TRMT44: variants seen among roughly 807,000 people sequenced by gnomAD.
The protein encoded by TRMT44 is probable tRNA (uracil-O(2)-)-methyltransferase.
In TRMT44, 78 loss-of-function variants were observed where a neutral mutation model predicts 77.3. The ratio of observed to expected loss-of-function variants is 1.01; its 90% CI spans 0.84 to 1.22. The LOEUF is 1.22. Among genes scored for constraint, TRMT44 ranks in the 50% most tolerant of loss-of-function variants. The pLI, the probability that TRMT44 is intolerant of heterozygous loss-of-function variation, is 0.00. For synonymous variants in TRMT44, 391 were observed against 383.3 expected, an observed-to-expected ratio of 1.02 and a Z score of -0.23; for missense variants, 1,090 against 964.4, an observed-to-expected ratio of 1.13 and a Z score of -1.73.
rs889749387 is a variant in TRMT44 at position 8,446,870 on chromosome 4, T to G, written c.734+280T>G. On this transcript the variant is annotated intron_variant, in intron 2 of 10. Transcript: ENST00000389737. This position sits in a 1 kb window ranked among gnomAD's most constrained non-coding sequence, Gnocchi z 4.3. ...CTTAGCATTAGCTCTGAAGTCAAAC[T>G]CAAATTTCTTTATTGTTATTGTTAT... Among the ~76,000 whole-genome samples, 7 of 152,168 alleles carry G rather than the reference T, an allele frequency of 4.6e-5. No individual in the cohort carries two copies. Among genetic ancestry groups the G allele is most frequent in the Non-Finnish European group, 1.0e-4 (7 of 68,030 alleles).
At chr4:8,481,918 C>T (rs1168337414) in intron 2 of TRMT44, among the ~76,000 whole-genome samples, 3 of 152,192 alleles carry the variant, frequency 2.0e-5, no homozygotes, top group Non-Finnish European at 4.4e-5. Flanking sequence ...AGAAACATGG[C>T]CATGGTGATG....
the TRMT44 span, among the ~76,000 whole-genome samples, chr4:8,513,102 A>G: frequency 1.3e-5 from 2 of 152,178 alleles, no homozygotes; most frequent in Non-Finnish European, 2.9e-5. Flanking sequence ...TTTTAGAGAC[A>G]GGGTTTTACC....
At chr4:8,445,574 C>T (rs886852810) in intron 1 of TRMT44, among the ~76,000 whole-genome samples, 4 of 152,232 alleles carry the variant, frequency 2.6e-5, no homozygotes, top group Admixed American at 1.3e-4. Flanking sequence ...TGCCCCATGG[C>T]ACACTCCCTG....
rs112236667 is a variant in TRMT44, at chr4:8,453,918, C to A, written c.1132-824C>A. On this transcript the variant is annotated intron_variant, in intron 5 of 10. Transcript: ENST00000389737. Reference sequence around the variant, plus strand: ...CTGTAAGAGCTTGAAATGGTTGTTACAATGCCCTTTTTCAAGTGTGTTATT... The same window carrying A: ...CTGTAAGAGCTTGAAATGGTTGTTAAAATGCCCTTTTTCAAGTGTGTTATT... Among the ~76,000 whole-genome samples, 60 of 152,280 alleles carry A rather than the reference C, an allele frequency of 3.9e-4. 1 individual carries two copies. Among genetic ancestry groups the A allele is most frequent in the African/African-American group, 1.4e-3 (60 of 41,554 alleles).
chr4:8,492,625 T>C (rs947214068), intron 2 of TRMT44, among the ~76,000 whole-genome samples: 2 of 152,150 alleles, frequency 1.3e-5, no homozygotes, highest in African/African-American at 2.4e-5. Flanking sequence ...ATTCTATTCC[T>C]AAAAAAGATA....
chr4:8,469,646 C>T (rs1287145036), intron 9 of TRMT44, among the ~76,000 whole-genome samples: 1 of 152,192 alleles, frequency 6.6e-6, no homozygotes, highest in Non-Finnish European at 1.5e-5. Flanking sequence ...GGGCTCAGTC[C>T]TGCCTGCGCC....
At chr4:8,466,513 C>G (rs979309981) in intron 8 of TRMT44, among the ~76,000 whole-genome samples, 3 of 152,244 alleles carry the variant, frequency 2.0e-5, no homozygotes, top group Non-Finnish European at 2.9e-5. Flanking sequence ...GCACAGGCCT[C>G]AGGGCCGCTG....
chr4:8,475,658 G>C (rs10938715), intron 10 of TRMT44, 114 bp from the exon 11 acceptor site: 96,745 of 924,260 alleles, frequency 0.1, 5,902 homozygotes, highest in African/African-American at 0.2. Context: ...TGTTCCGGTT[G>C]TATCCCTGAC....
intron 10 of TRMT44, among the ~76,000 whole-genome samples, chr4:8,474,825 G>A (rs970633408): frequency 3.9e-5 from 6 of 152,094 alleles, no homozygotes; most frequent in Admixed American, 2.6e-4. Flanking sequence ...GGGGTATCTC[G>A]GCCCAATTTG....
At chr4:8,472,988 G>T (rs1002950755) in intron 10 of TRMT44, among the ~76,000 whole-genome samples, 2 of 152,194 alleles carry the variant, frequency 1.3e-5, no homozygotes, top group East Asian at 1.9e-4. Flanking sequence ...GTCACCCTGG[G>T]GGGGCAAACT....
At chr4:8,496,474 C>A (rs1728154558), downstream of TRMT44, among the ~76,000 whole-genome samples, 2 of 152,178 alleles carry the variant, frequency 1.3e-5, no homozygotes, top group Admixed American at 1.3e-4. Flanking sequence ...TGTGTGTTTG[C>A]ATCTCAAGCC....
the TRMT44 span, among the ~76,000 whole-genome samples, chr4:8,513,733 GAC>G: frequency 1.0e-3 from 159 of 152,264 alleles, no homozygotes; most frequent in African/African-American, 3.7e-3. Context: ...TTTTTAAAAA[GAC>G]ACATCACAAA....
chr4:8,508,635 G>T, the TRMT44 span, among the ~76,000 whole-genome samples: 6 of 152,362 alleles, frequency 3.9e-5, no homozygotes, highest in Non-Finnish European at 2.9e-5. Flanking sequence ...CTGTGGCCAT[G>T]GGGTTGCGGC....
intron 1 of TRMT44, among the ~76,000 whole-genome samples, chr4:8,443,960 A>T (rs1323947958): frequency 2.8e-5 from 4 of 141,030 alleles, no homozygotes; most frequent in African/African-American, 1.0e-4. Flanking sequence ...ACTCAGTCTA[A>T]AAAAAAAAAA....
intron 2 of TRMT44, among the ~76,000 whole-genome samples, chr4:8,488,238 C>T (rs188394728): frequency 6.0e-4 from 91 of 152,258 alleles, no homozygotes; most frequent in African/African-American, 1.9e-3. Flanking sequence ...GGAGGTTCCC[C>T]GGTCCGAGTC....
chr4:8,472,222 A>G (rs1025889369), intron 10 of TRMT44, among the ~76,000 whole-genome samples: 2 of 152,182 alleles, frequency 1.3e-5, no homozygotes, highest in Non-Finnish European at 2.9e-5. Flanking sequence ...TACTTAGGAA[A>G]TGACACTTGA....
chr4:8,443,549 A>G (rs1274611810), intron 1 of TRMT44, among the ~76,000 whole-genome samples: 1 of 152,200 alleles, frequency 6.6e-6, no homozygotes, highest in African/African-American at 2.4e-5. Context: ...GTAAAATAGG[A>G]TAATAATAAA....
chr4:8,497,427 C>G (rs1728180128), downstream of TRMT44, among the ~76,000 whole-genome samples: 1 of 152,148 alleles, frequency 6.6e-6, no homozygotes, highest in African/African-American at 2.4e-5. Flanking sequence ...GGGTGGATCA[C>G]AAGGTCAGGA....
chr4:8,491,623 C>T (rs1316335545), intron 2 of TRMT44, among the ~76,000 whole-genome samples: 3 of 152,232 alleles, frequency 2.0e-5, no homozygotes, highest in Non-Finnish European at 2.9e-5. Context: ...GCTGGGGGAC[C>T]TAGTACACCC....
Sources: gnomAD v4.1 joint callset for allele counts (sites outside exome capture counted in the v4.1 genomes callset) on GRCh38, gnomAD v4.1.1 for gene constraint, Gnocchi (gnomAD v3.1) non-coding constraint, MANE v1.5 for transcripts, NCBI Gene and HGNC (gene_info 2026-07-23, HGNC 2026-07-21) for gene names.